Variants in SMIM5 observed in about 807,000 individuals in gnomAD.
The protein encoded by SMIM5 is chromosome 17 open reading frame 109.
A neutral mutation model predicts 4.0 loss-of-function variants in SMIM5; 4 were observed. The observed-to-expected ratio is 1.01, with a 90% confidence interval of 0.50 to 2.30. The LOEUF is 2.30. SMIM5 is among the 30% of genes most tolerant of loss of function. SMIM5 has a pLI of 0.02. For synonymous variants in SMIM5, 46 were observed against 43.6 expected (o/e 1.05, Z -0.22); for missense variants, 107 against 99.2 (o/e 1.08, Z -0.34).
At position 75,640,103 on chromosome 17, in the gene SMIM5, TCG is replaced by T; in HGVS notation, c.-36-62_-36-61del. The stretch of plus-strand genomic sequence containing the variant: ...TGCGGATGGGTGCGAGGGTGGAATC[TCG>T]GTGCTGCGACGAGTGTGGGGCCAGC... On this transcript the variant is annotated intron_variant, in intron 1 of 2. Transcript: ENST00000375215. This position sits in a 1 kb window ranked among gnomAD's most constrained non-coding sequence, Gnocchi z 4.6. 2.1e-6 allele frequency: 3 copies of T among 1,427,860 alleles called. No homozygotes were observed. Among genetic ancestry groups the T allele is most frequent in the Non-Finnish European group, 9.2e-7 (1 of 1,089,690 alleles). 88.4% of individuals were successfully genotyped at this position (1,427,860 alleles called of 1,614,324 possible).
At position 75,633,887 on chromosome 17, in the gene SMIM5, A is replaced by G; in HGVS notation, c.-352A>G. On this transcript the variant is annotated 5_prime_UTR_variant, in exon 1 of 3. Coordinates refer to ENST00000375215, the MANE Select transcript of SMIM5 (RefSeq NM_001162995.3). ...GGGGAGAGGGAGAGGAGGAGGAAGG[A>G]GGAGGAGAGAGGGAGCTTGTCTTGT... 1.0e-6 allele frequency: 1 copy of G among 992,088 alleles called. No homozygotes were observed. 61.5% of individuals were successfully genotyped at this position (992,088 alleles called of 1,614,324 possible).
intron 1 of SMIM5, chr17:75,635,670 G>A: frequency 2.1e-6 from 1 of 485,704 alleles, no homozygotes; most frequent in Non-Finnish European, 2.7e-6. Flanking sequence ...TCTCCCACAA[G>A]TGTCAGTTAT....
chr17:75,641,315 TCTGCATC>T lies in SMIM5; in HGVS notation c.*420_*426del, dbSNP rs2059431166. The T allele has an allele frequency of 6.1e-6, 1 of 164,360 alleles. No homozygotes were observed. The highest frequency in any genetic ancestry group is 5.9e-5 in the Admixed American group (1 of 16,872). 10.2% of individuals were successfully genotyped at this position (164,360 alleles called of 1,614,324 possible). A position where few individuals can be genotyped will look rare whatever the true frequency, so the allele number is the denominator to read the frequency against. ...ATCAGAGGGGCTTTGTGCAATAGCTTCTGCATCCGAGCTCCCGCCAGAGCGTGAGCAT... is the reference window on the plus strand; with the variant it reads ...ATCAGAGGGGCTTTGTGCAATAGCTTCGAGCTCCCGCCAGAGCGTGAGCAT... On this transcript the variant is annotated 3_prime_UTR_variant, in exon 3 of 3. Transcript: ENST00000375215.
Position 75,636,531 on chromosome 17 carries a change from G to A in SMIM5, c.-37+2329G>A, listed in dbSNP as rs1194173428. 2.0e-5 allele frequency: 3 copies of A among 152,216 alleles called. No individual in the cohort carries two copies. The highest frequency in any genetic ancestry group is 2.9e-5 in the Non-Finnish European group (2 of 68,060). 9.4% of individuals were successfully genotyped at this position (152,216 alleles called of 1,614,324 possible). On this transcript the variant is annotated intron_variant, in intron 1 of 2. Coordinates refer to ENST00000375215, the MANE Select transcript of SMIM5 (RefSeq NM_001162995.3). This position sits in a 1 kb window ranked among gnomAD's most constrained non-coding sequence, Gnocchi z 5.4. ...GAACACTAAGGTTCCCTTAGGAGCA[G>A]CGGCTGGGGCACATGCCACACAGTC...
chr17:75,637,248 A>G (rs2059341465), intron 1 of SMIM5: 2 of 152,410 alleles, frequency 1.3e-5, no homozygotes, highest in African/African-American at 4.8e-5. Context: ...CACAAGCGAA[A>G]AAGCTCTCCC....
chr17:75,635,771 G>A, intron 1 of SMIM5: 4 of 984,822 alleles, frequency 4.1e-6, no homozygotes, highest in Non-Finnish European at 4.8e-6. Context: ...GGCAGAGCAA[G>A]CAGCCCTCTG....
chr17:75,634,960 C>T (rs2059291054), intron 1 of SMIM5, among the ~76,000 whole-genome samples: 2 of 152,162 alleles, frequency 1.3e-5, no homozygotes, highest in South Asian at 4.1e-4. Context: ...GGAAGCAGGA[C>T]CCGGCTGTTT....
intron 1 of SMIM5, chr17:75,639,392 A>G (rs1026864524): frequency 5.9e-5 from 9 of 152,276 alleles, no homozygotes; most frequent in African/African-American, 2.2e-4. Context: ...AGAAGGGGAA[A>G]GCCTTCTGGA....
Position 75,634,050 on chromosome 17 carries a change from A to C in SMIM5, c.-189A>C, listed in dbSNP as rs2059272377. On this transcript the variant is annotated 5_prime_UTR_variant, in exon 1 of 3. Transcript: ENST00000375215. ...GATCTCCAGGACGACCAACAACAAAAAAGCCAGGCAGAGACAGCAGCTGGC... is the reference window on the plus strand; with the variant it reads ...GATCTCCAGGACGACCAACAACAAACAAGCCAGGCAGAGACAGCAGCTGGC... 5.1e-6 allele frequency: 5 copies of C among 985,566 alleles called. No individual in the cohort carries two copies. The highest frequency in any genetic ancestry group is 5.2e-4 in the Middle Eastern group (1 of 1,914). 61.1% of individuals were successfully genotyped at this position (985,566 alleles called of 1,614,324 possible).
At chr17:75,634,640 C>T (rs978523267) in intron 1 of SMIM5, among the ~76,000 whole-genome samples, 12 of 152,128 alleles carry the variant, frequency 7.9e-5, no homozygotes, top group African/African-American at 1.4e-4. Context: ...CAGCATGCGG[C>T]GCCCCCAGGA....
Position 75,633,971 on chromosome 17 carries a change from G to C in SMIM5, c.-268G>C. 7.1e-6 allele frequency: 7 copies of C among 985,628 alleles called. No individual in the cohort carries two copies. The South Asian group carries it at 2.8e-4, about 40-fold the overall frequency. The allele number at this position is 985,628 out of a possible 1,614,324, so 61.1% of individuals were successfully genotyped here. On this transcript the variant is annotated 5_prime_UTR_variant, in exon 1 of 3. Transcript: ENST00000375215. ...ACCGGGACATGAAGTTGGAGGACAAGTTCCCAAGCAGGGCTTCCTCGGGCT... is the reference window on the plus strand; with the variant it reads ...ACCGGGACATGAAGTTGGAGGACAACTTCCCAAGCAGGGCTTCCTCGGGCT...
In SMIM5 at chr17:75,636,266, C is replaced by G. The variant is rs2059319984; in HGVS notation, c.-37+2064C>G. On this transcript the variant is annotated intron_variant, in intron 1 of 2. Transcript: ENST00000375215. This position sits in a 1 kb window ranked among gnomAD's most constrained non-coding sequence, Gnocchi z 5.4. ...GGGGTTGGGAGGGACTCTGGTTGCCCTGGTTCGCAGGTGGGCACTACCAAG... is the reference window on the plus strand; with the variant it reads ...GGGGTTGGGAGGGACTCTGGTTGCCGTGGTTCGCAGGTGGGCACTACCAAG... 6.6e-6 allele frequency among the ~76,000 whole-genome samples: 1 copy of G among 152,056 alleles called. No homozygotes were observed. Among genetic ancestry groups the G allele is most frequent in the African/African-American group, 2.4e-5 (1 of 41,386 alleles).
At position 75,640,953 on chromosome 17, in the gene SMIM5, A is replaced by G; in HGVS notation, c.*56A>G. 1 of 1,528,758 alleles carries G rather than the reference A, an allele frequency of 6.5e-7. No homozygotes were observed. Among genetic ancestry groups the G allele is most frequent in the South Asian group, 1.2e-5 (1 of 83,654 alleles). The allele number at this position is 1,528,758 out of a possible 1,614,324, so 94.7% of individuals were successfully genotyped here. A position where few individuals can be genotyped will look rare whatever the true frequency, so the allele number is the denominator to read the frequency against. ...GAGGAGATGGCCAATGCCATGACACAGGCCATCAGCCTGGCCCTGCAGCCC... is the reference window on the plus strand; with the variant it reads ...GAGGAGATGGCCAATGCCATGACACGGGCCATCAGCCTGGCCCTGCAGCCC... On this transcript the variant is annotated 3_prime_UTR_variant, in exon 3 of 3. Coordinates refer to ENST00000375215, the MANE Select transcript of SMIM5 (RefSeq NM_001162995.3). The surrounding 1 kb of genome is among the most constrained non-coding windows in gnomAD (Gnocchi z 4.6).
chr17:75,640,862 G>A lies in SMIM5; in HGVS notation c.199G>A (p.Gly67Ser), dbSNP rs1207922331. Residue 67 changes from glycine to serine, a missense_variant, in exon 3 of 3, where the codon GGC becomes AGC. Coordinates refer to ENST00000375215, the MANE Select transcript of SMIM5 (RefSeq NM_001162995.3). The surrounding 1 kb of genome is among the most constrained non-coding windows in gnomAD (Gnocchi z 4.6). ...TCACTGCTGCTGCCCTGAGCGGAGAGGCAGGAAGGTCCAGGTGCAGCCGAC... is the reference window on the plus strand; with the variant it reads ...TCACTGCTGCTGCCCTGAGCGGAGAAGCAGGAAGGTCCAGGTGCAGCCGAC... Reference protein sequence around the residue: ...CTHCCCPERRGRKVQVQPTPP With the variant: ...CTHCCCPERRSRKVQVQPTPP 1 of 1,548,260 alleles carries A rather than the reference G, an allele frequency of 6.5e-7. No homozygotes were observed. The highest frequency in any genetic ancestry group is 8.7e-7 in the Non-Finnish European group (1 of 1,146,962).
chr17:75,637,436 C>G (rs2059345954), intron 1 of SMIM5: 2 of 152,302 alleles, frequency 1.3e-5, no homozygotes, highest in Admixed American at 1.3e-4. Context: ...GCATTGTCGT[C>G]CCTCTAAGAA....
At position 75,640,304 on chromosome 17, in the gene SMIM5, TTC is replaced by T; in HGVS notation, c.106_107del (p.Val37HisfsTer27). The T allele has an allele frequency of 6.5e-7, 1 of 1,549,896 alleles. No homozygotes were observed. Among genetic ancestry groups the T allele is most frequent in the Non-Finnish European group, 8.7e-7 (1 of 1,146,242 alleles). ...PQAEPVEIVAFSVIILFTATV... is the reference protein window; with the variant it reads ...PQAEPVEIVAXSVIILFTATV... The stretch of plus-strand genomic sequence containing the variant: ...GGCTGAGCCCGTGGAGATCGTGGCC[TTC>T]TCAGTCATCATCCTTTTCACAGGTT... On this transcript the variant is annotated frameshift_variant, in exon 2 of 3. Transcript: ENST00000375215. LOFTEE classifies it high-confidence loss of function. This position sits in a 1 kb window ranked among gnomAD's most constrained non-coding sequence, Gnocchi z 4.6.
In SMIM5 at chr17:75,640,644, G is replaced by A. The variant is rs1233279754; in HGVS notation, c.128-147G>A. The A allele has an allele frequency of 6.2e-6, 9 of 1,449,530 alleles. No homozygotes were observed. The highest frequency in any genetic ancestry group is 4.5e-5 in the Admixed American group (2 of 44,092). 89.8% of individuals were successfully genotyped at this position (1,449,530 alleles called of 1,614,324 possible). Reference sequence around the variant, plus strand: ...CTGGCGGCTGGCATGGGGACCGTCCGCACCTCTCACCAGCCTCTCGGATCT... The same window carrying A: ...CTGGCGGCTGGCATGGGGACCGTCCACACCTCTCACCAGCCTCTCGGATCT... On this transcript the variant is annotated intron_variant, in intron 2 of 2. Transcript: ENST00000375215. The surrounding 1 kb of genome is among the most constrained non-coding windows in gnomAD (Gnocchi z 4.6).
At position 75,640,964 on chromosome 17, in the gene SMIM5, C is replaced by G; in HGVS notation, c.*67C>G. The G allele has an allele frequency of 6.6e-7, 1 of 1,523,354 alleles. No homozygotes were observed. Among genetic ancestry groups the G allele is most frequent in the South Asian group, 1.2e-5 (1 of 83,148 alleles). 94.4% of individuals were successfully genotyped at this position (1,523,354 alleles called of 1,614,324 possible). A position where few individuals can be genotyped will look rare whatever the true frequency, so the allele number is the denominator to read the frequency against. ...CAATGCCATGACACAGGCCATCAGC[C>G]TGGCCCTGCAGCCCTTACCCCTCAA... On this transcript the variant is annotated 3_prime_UTR_variant, in exon 3 of 3. Transcript: ENST00000375215. The surrounding 1 kb of genome is among the most constrained non-coding windows in gnomAD (Gnocchi z 4.6).
In SMIM5 at chr17:75,640,329, G is replaced by A; in HGVS notation, c.127+1G>A. On this transcript the variant is annotated splice_donor_variant, in intron 2 of 2. Transcript: ENST00000375215. LOFTEE classifies it high-confidence loss of function. This position sits in a 1 kb window ranked among gnomAD's most constrained non-coding sequence, Gnocchi z 4.6. ...TTCTCAGTCATCATCCTTTTCACAG[G>A]TTAGTTGGGGCACTCAGCACCCCAT... 1.9e-6 allele frequency: 3 copies of A among 1,545,528 alleles called. No individual in the cohort carries two copies. The highest frequency in any genetic ancestry group is 2.6e-6 in the Non-Finnish European group (3 of 1,143,342).
Sources: allele counts gnomAD v4.1 joint callset (sites outside exome capture counted in the v4.1 genomes callset), GRCh38; gene constraint gnomAD v4.1.1; non-coding constraint Gnocchi (gnomAD v3.1); transcripts MANE v1.5; gene names NCBI Gene and HGNC (gene_info 2026-07-23, HGNC 2026-07-21).